The following FAM13A variants were observed in gnomAD, a reference collection of about 807,000 sequenced individuals.
The protein encoded by FAM13A is family with sequence similarity 13 member A, also known as protein FAM13A.
A neutral mutation model predicts 129.6 loss-of-function variants in FAM13A; 76 were observed. That is an observed-to-expected ratio of 0.59 (90% CI 0.49 to 0.71). FAM13A has a LOEUF of 0.71. Among genes scored for constraint, FAM13A ranks in the 30% least tolerant of loss-of-function variants. FAM13A has a pLI of 0.00. For missense variants in FAM13A, 1,108 were observed against 1,249.3 expected (o/e 0.89, Z 1.70); for synonymous variants, 443 against 449.9 (o/e 0.98, Z 0.20).
intron 4 of FAM13A, among the ~76,000 whole-genome samples, chr4:88,969,567 A>G (rs770022001): frequency 1.3e-5 from 2 of 152,224 alleles, no homozygotes; most frequent in African/African-American, 2.4e-5. Flanking sequence ...CCAAAACCAC[A>G]TATCTATTCT....
intron 4 of FAM13A, among the ~76,000 whole-genome samples, chr4:88,988,913 C>T (rs1433051204): frequency 1.3e-5 from 2 of 152,082 alleles, no homozygotes; most frequent in East Asian, 3.9e-4. Context: ...TAACGTTGTA[C>T]CACATACATT....
intron 11 of FAM13A, among the ~76,000 whole-genome samples, chr4:88,769,775 T>C (rs1433707505): frequency 6.6e-6 from 1 of 151,640 alleles, no homozygotes; most frequent in African/African-American, 2.4e-5. Context: ...GAGGTTGCAG[T>C]GAGCCAAGAT....
At chr4:88,905,655 T>TA (rs1294073033) in intron 6 of FAM13A, 1 of 152,192 alleles carries the variant, frequency 6.6e-6, no homozygotes, top group Non-Finnish European at 1.5e-5. Context: ...GAACATGTGG[T>TA]ATTTGGTTTT....
intron 4 of FAM13A, among the ~76,000 whole-genome samples, chr4:88,977,061 T>C (rs1027952682): frequency 6.6e-6 from 1 of 152,194 alleles, no homozygotes. Flanking sequence ...AACATATCCC[T>C]GTTGTTAAGA....
At chr4:88,912,176 G>A (rs1356101447) in intron 5 of FAM13A, among the ~76,000 whole-genome samples, 2 of 136,634 alleles carry the variant, frequency 1.5e-5, no homozygotes, top group Non-Finnish European at 3.3e-5. Flanking sequence ...GGGTATGTCT[G>A]TGAGGGTGTT....
At chr4:89,036,596 G>C (rs1769413423) in intron 1 of FAM13A, among the ~76,000 whole-genome samples, 1 of 152,190 alleles carries the variant, frequency 6.6e-6, no homozygotes, top group African/African-American at 2.4e-5. Flanking sequence ...ATTTGCAGCT[G>C]AACATTCAGA....
intron 13 of FAM13A, 115 bp downstream of exon 13, chr4:88,767,436 TCA>T: frequency 1.7e-6 from 1 of 599,818 alleles, no homozygotes; most frequent in Non-Finnish European, 2.7e-6. Flanking sequence ...TTCTAATCAA[TCA>T]CAGTTATATT....
intron 7 of FAM13A, among the ~76,000 whole-genome samples, chr4:88,833,889 A>T (rs1032354973): frequency 2.1e-4 from 32 of 152,122 alleles, no homozygotes; most frequent in African/African-American, 7.0e-4. Context: ...CCGTCTTAAA[A>T]AAAAAATCCA....
chr4:88,983,612 C>G (rs1761903983), intron 4 of FAM13A, among the ~76,000 whole-genome samples: 1 of 151,848 alleles, frequency 6.6e-6, no homozygotes, highest in South Asian at 2.1e-4. Context: ...AAACTTGTAC[C>G]CTGAAAACCA....
intron 4 of FAM13A, among the ~76,000 whole-genome samples, chr4:88,946,618 G>A (rs963980924): frequency 4.6e-5 from 7 of 152,018 alleles, no homozygotes; most frequent in Admixed American, 3.9e-4. Flanking sequence ...AATATGCTGG[G>A]TATTGGAGAG....
intron 6 of FAM13A, among the ~76,000 whole-genome samples, chr4:88,877,604 T>C (rs1742767552): frequency 6.6e-6 from 1 of 152,230 alleles, no homozygotes; most frequent in African/African-American, 2.4e-5. Context: ...CTAAGAGTAA[T>C]TAATAGTGGC....
At position 88,728,206 on chromosome 4, in the gene FAM13A, A is replaced by G; in HGVS notation, c.*327T>C. 3.3e-6 allele frequency: 1 copy of G among 304,324 alleles called. No individual in the cohort carries two copies. Among genetic ancestry groups the G allele is most frequent in the Non-Finnish European group, 6.2e-6 (1 of 160,446 alleles). The allele number at this position is 304,324 out of a possible 1,614,324, so 18.9% of individuals were successfully genotyped here. A position where few individuals can be genotyped will look rare whatever the true frequency, so the allele number is the denominator to read the frequency against. ...GAACAGTGTATATTCTCTGTAGATG[A>G]GTGTTGTCTAATGTAGTGATTAATC... On this transcript the variant is annotated 3_prime_UTR_variant, in exon 24 of 24. Coordinates refer to ENST00000264344, the MANE Select transcript of FAM13A (RefSeq NM_014883.4).
chr4:88,995,842 T>C (rs1763470933), intron 3 of FAM13A, among the ~76,000 whole-genome samples: 1 of 152,200 alleles, frequency 6.6e-6, no homozygotes, highest in Non-Finnish European at 1.5e-5. Flanking sequence ...ATGAAACATA[T>C]TCTAATCGAG....
chr4:88,997,229 CA>C lies in FAM13A; in HGVS notation c.428-6080del, dbSNP rs1763666897. Among the ~76,000 whole-genome samples, 5 of 152,228 alleles carry C rather than the reference CA, an allele frequency of 3.3e-5. No individual in the cohort carries two copies. The South Asian group carries it at 1.0e-3, about 32-fold the overall frequency. ...GATCATATGTTATAATTCGTAAGTCCAAAAATTCTAAGAAAACTTTGCAGAT... is the reference window on the plus strand; with the variant it reads ...GATCATATGTTATAATTCGTAAGTCCAAAATTCTAAGAAAACTTTGCAGAT... On this transcript the variant is annotated intron_variant, in intron 3 of 23. Coordinates refer to ENST00000264344, the MANE Select transcript of FAM13A (RefSeq NM_014883.4).
At chr4:88,786,473 A>G (rs777631022) in intron 10 of FAM13A, among the ~76,000 whole-genome samples, 4 of 152,240 alleles carry the variant, frequency 2.6e-5, no homozygotes, top group Non-Finnish European at 5.9e-5. Context: ...ACTTTCTATA[A>G]ACATGTCAGT....
intron 5 of FAM13A, among the ~76,000 whole-genome samples, chr4:88,908,256 A>G (rs2609263): frequency 0.14 from 21,441 of 152,264 alleles, 1,851 homozygotes; most frequent in Non-Finnish European, 0.2. Context: ...TCACTGTGAG[A>G]GGGATAAACT....
At chr4:89,030,389 C>G (rs959461957) in intron 1 of FAM13A, among the ~76,000 whole-genome samples, 1 of 151,858 alleles carries the variant, frequency 6.6e-6, no homozygotes, top group Non-Finnish European at 1.5e-5. Flanking sequence ...AAATCTGCAT[C>G]CAAGCAAAGA....
intron 5 of FAM13A, among the ~76,000 whole-genome samples, chr4:88,927,842 T>G (rs954507539): frequency 7.2e-5 from 11 of 152,152 alleles, no homozygotes; most frequent in South Asian, 2.1e-4. Flanking sequence ...TTTGTATTTT[T>G]GGGGGATTTC....
At chr4:88,863,787 A>G (rs1310103741) in intron 6 of FAM13A, among the ~76,000 whole-genome samples, 1 of 152,144 alleles carries the variant, frequency 6.6e-6, no homozygotes, top group East Asian at 1.9e-4. Flanking sequence ...AGTTTTGTTT[A>G]TGTTTTTTTT....
Sources: gnomAD v4.1 joint callset for allele counts (sites outside exome capture counted in the v4.1 genomes callset) on GRCh38, gnomAD v4.1.1 for gene constraint, MANE v1.5 for transcripts, NCBI Gene and HGNC (gene_info 2026-07-23, HGNC 2026-07-21) for gene names.